Variants in TMEM59 observed in about 807,000 individuals in gnomAD.
The protein encoded by TMEM59 is dendritic cell factor 1.
In TMEM59, 44 loss-of-function variants were observed where a neutral mutation model predicts 42.2. The ratio of observed to expected loss-of-function variants is 1.04; its 90% CI spans 0.82 to 1.34. TMEM59 has a LOEUF of 1.34. Ranked by LOEUF, TMEM59 falls within the 40% of genes most tolerant of loss-of-function variation. The pLI is 0.00. For synonymous variants in TMEM59, 148 were observed against 145.8 expected, an observed-to-expected ratio of 1.02 and a Z score of -0.11; for missense variants, 359 against 382.8, an observed-to-expected ratio of 0.94 and a Z score of 0.52.
intron 1 of TMEM59, among the ~76,000 whole-genome samples, chr1:54,051,797 T>C (rs993631404): frequency 6.6e-6 from 1 of 152,256 alleles, no homozygotes; most frequent in Non-Finnish European, 1.5e-5. Flanking sequence ...TCTTTCTCGA[T>C]TGTTACATAA....
intron 4 of TMEM59, among the ~76,000 whole-genome samples, chr1:54,042,519 G>A (rs1276966607): frequency 6.6e-6 from 1 of 152,140 alleles, no homozygotes; most frequent in African/African-American, 2.4e-5. Context: ...ATTAAGTAGA[G>A]GGGACCCAAG....
At chr1:54,039,849 GGGGGA>G (rs1553167090) in intron 6 of TMEM59, among the ~76,000 whole-genome samples, 1 of 151,712 alleles carries the variant, frequency 6.6e-6, no homozygotes, top group Non-Finnish European at 1.5e-5. Context: ...AGTAAAATGT[GGGGGA>G]GGGACCATAT....
At chr1:54,045,630 T>G (rs1657303159) in intron 3 of TMEM59, 62 bp downstream of exon 3, 7 of 1,502,588 alleles carry the variant, frequency 4.7e-6, no homozygotes, top group Admixed American at 1.7e-5. Context: ...GATAAACACT[T>G]CAAGCAATAC....
At position 54,049,519 on chromosome 1, in the gene TMEM59, T is replaced by G. The variant is rs369563790; in HGVS notation, c.190-2147A>C. On this transcript the variant is annotated intron_variant, in intron 1 of 7. Coordinates refer to ENST00000234831, the MANE Select transcript of TMEM59 (RefSeq NM_004872.5). The stretch of plus-strand genomic sequence containing the variant: ...TCATATCTTTATTCTAAGTATTTCA[T>G]GTTATATATACAAAAATAATGATTT... 1.8e-4 allele frequency among the ~76,000 whole-genome samples: 28 copies of G among 152,368 alleles called. 1 individual carries two copies. The East Asian group carries it at 3.5e-3, about 19-fold the overall frequency.
intron 6 of TMEM59, among the ~76,000 whole-genome samples, chr1:54,038,248 A>T (rs1171110791): frequency 6.6e-6 from 1 of 152,216 alleles, no homozygotes; most frequent in Admixed American, 6.5e-5. Flanking sequence ...AGGCCAGTAT[A>T]TCTGAAAAAA....
Position 54,031,965 on chromosome 1 carries a change from T to A in TMEM59, c.*185A>T, listed in dbSNP as rs560815550. 1.0e-5 allele frequency: 5 copies of A among 479,558 alleles called. No individual in the cohort carries two copies. The highest frequency in any genetic ancestry group is 7.8e-5 in the Admixed American group (2 of 25,680). The allele number at this position is 479,558 out of a possible 1,614,324, so 29.7% of individuals were successfully genotyped here. A position where few individuals can be genotyped will look rare whatever the true frequency, so the allele number is the denominator to read the frequency against. ...AATAATACAATCCCAAACATCCACCTCTTAAATTACTACAAAAACAATACC... is the reference window on the plus strand; with the variant it reads ...AATAATACAATCCCAAACATCCACCACTTAAATTACTACAAAAACAATACC... On this transcript the variant is annotated 3_prime_UTR_variant, in exon 8 of 8. Coordinates refer to ENST00000234831, the MANE Select transcript of TMEM59 (RefSeq NM_004872.5).
chr1:54,045,687 C>A lies in TMEM59; in HGVS notation c.390+5G>T. 1 of 1,613,972 alleles carries A rather than the reference C, an allele frequency of 6.2e-7. No homozygotes were observed. Among genetic ancestry groups the A allele is most frequent in the East Asian group, 2.2e-5 (1 of 44,862 alleles). On this transcript the variant is annotated splice_donor_5th_base_variant and intron_variant, in intron 3 of 7. Transcript: ENST00000234831. ...GCTAGTTTGAAAGGCAGTATTGTTT[C>A]GTACTTGTTCTTGTCTCAGTTCAGC...
chr1:54,037,174 C>T (rs967141137), intron 6 of TMEM59, among the ~76,000 whole-genome samples: 2 of 152,146 alleles, frequency 1.3e-5, no homozygotes, highest in Non-Finnish European at 2.9e-5. Flanking sequence ...TCACACCAGG[C>T]TTCCAGAAGT....
chr1:54,040,752 A>C lies in TMEM59; in HGVS notation c.707+4T>G. On this transcript the variant is annotated splice_donor_region_variant and intron_variant, in intron 6 of 7. Coordinates refer to ENST00000234831, the MANE Select transcript of TMEM59 (RefSeq NM_004872.5). ...TTATACACATAATAAAGAGGAATACATACAGAGAGAGGCATCTTAAAAAGC... is the reference window on the plus strand; with the variant it reads ...TTATACACATAATAAAGAGGAATACCTACAGAGAGAGGCATCTTAAAAAGC... 6.2e-7 allele frequency: 1 copy of C among 1,609,260 alleles called. No homozygotes were observed. Among genetic ancestry groups the C allele is most frequent in the South Asian group, 1.1e-5 (1 of 90,968 alleles).
upstream of TMEM59, chr1:54,053,430 GC>G (rs1309560378): frequency 5.6e-6 from 3 of 540,270 alleles, no homozygotes; most frequent in Non-Finnish European, 9.9e-6. Flanking sequence ...TTAGCGCGAA[GC>G]GGGGCCTCCT....
At chr1:54,040,212 G>C (rs949342833) in intron 6 of TMEM59, among the ~76,000 whole-genome samples, 2 of 152,090 alleles carry the variant, frequency 1.3e-5, no homozygotes, top group African/African-American at 4.8e-5. Context: ...GAGTGCTGTG[G>C]CGTGATCTCA....
At chr1:54,047,160 A>C in intron 2 of TMEM59, 107 bp downstream of exon 2, 1 of 820,358 alleles carries the variant, frequency 1.2e-6, no homozygotes, top group Non-Finnish European at 1.9e-6. Context: ...ATGTTAGATG[A>C]CTAGTTTCAA....
chr1:54,041,779 T>G lies in TMEM59; in HGVS notation c.570A>C (p.Pro190=). 6.2e-7 allele frequency: 1 copy of G among 1,613,562 alleles called. No homozygotes were observed. Among genetic ancestry groups the G allele is most frequent in the Non-Finnish European group, 8.5e-7 (1 of 1,179,668 alleles). The change falls in exon 5 of 8, where the codon CCA becomes CCC. Residue 190 remains proline (P), a synonymous_variant. Transcript: ENST00000234831. The part of the protein sequence containing the change: ...FQSKPEIQYA[P]HLEQEPTNLR... ...AATTTGTAGGCTCCTGCTCCAAATG[T>G]GGTGCGTACTGGATTTCTGGCTTAG...
At position 54,045,693 on chromosome 1, in the gene TMEM59, T is replaced by C; in HGVS notation, c.389A>G (p.Gln130Arg). The C allele has an allele frequency of 1.2e-6, 2 of 1,614,136 alleles. No homozygotes were observed. Among genetic ancestry groups the C allele is most frequent in the South Asian group, 1.1e-5 (1 of 91,080 alleles). ...TTGAAAGGCAGTATTGTTTCGTACT[T>C]GTTCTTGTCTCAGTTCAGCGAATGG... ...QLPFAELRQE[Q>R]LMSLMPKMHL... Residue 130 changes from glutamine to arginine, a missense_variant and splice_region_variant, in exon 3 of 8, where the codon CAA becomes CGA. Transcript: ENST00000234831.
chr1:54,043,569 T>A (rs761173843), intron 3 of TMEM59, 44 bp from the exon 4 acceptor site: 1 of 1,266,874 alleles, frequency 7.9e-7, no homozygotes, highest in Non-Finnish European at 1.0e-6. Context: ...TTTTTATATA[T>A]GTATATTCAA....
chr1:54,051,561 C>T (rs1289410998), intron 1 of TMEM59, among the ~76,000 whole-genome samples: 1 of 152,198 alleles, frequency 6.6e-6, no homozygotes, highest in Non-Finnish European at 1.5e-5. Flanking sequence ...TGATTATTTT[C>T]CCAACATTCT....
At chr1:54,035,031 CACA>C (rs1326643007) in intron 7 of TMEM59, among the ~76,000 whole-genome samples, 1 of 152,166 alleles carries the variant, frequency 6.6e-6, no homozygotes, top group Non-Finnish European at 1.5e-5. Context: ...GGTTAAAGGA[CACA>C]ACATTTCAGT....
At chr1:54,037,277 C>A (rs1016332308) in intron 6 of TMEM59, among the ~76,000 whole-genome samples, 2 of 152,162 alleles carry the variant, frequency 1.3e-5, no homozygotes, top group Admixed American at 6.5e-5. Context: ...CATTCTGTAA[C>A]CATTACAGCA....
In TMEM59 at chr1:54,041,635, C is replaced by T. The variant is rs534862231; in HGVS notation, c.625+89G>A. 5 of 995,560 alleles carry T rather than the reference C, an allele frequency of 5.0e-6. No homozygotes were observed. The South Asian group carries it at 6.9e-5, about 14-fold the overall frequency. 61.7% of individuals were successfully genotyped at this position (995,560 alleles called of 1,614,324 possible). ...TTTTAGAAATTATCTGTTTATGTTC[C>T]ATCAGTGTAAAAACAAACATGACCA... On this transcript the variant is annotated intron_variant, in intron 5 of 7. Coordinates refer to ENST00000234831, the MANE Select transcript of TMEM59 (RefSeq NM_004872.5).
Sources: allele counts gnomAD v4.1 joint callset (sites outside exome capture counted in the v4.1 genomes callset), GRCh38; gene constraint gnomAD v4.1.1; transcripts MANE v1.5; gene names NCBI Gene and HGNC (gene_info 2026-07-23, HGNC 2026-07-21).